Variants in LPP observed in about 807,000 individuals in gnomAD.
LPP encodes lipoma-preferred partner.
A neutral mutation model predicts 60.4 loss-of-function variants in LPP; 38 were observed. The observed-to-expected ratio is 0.63, with a 90% CI of 0.49 to 0.83. The LOEUF (loss-of-function observed/expected upper bound fraction) is 0.83. Ranked by LOEUF, LPP falls within the 40% of genes least tolerant of loss-of-function variation. The pLI is 0.00. For synonymous variants in LPP, 328 were observed against 290.8 expected (o/e 1.13, Z -1.30); for missense variants, 902 against 783.6 (o/e 1.15, Z -1.80).
intron 3 of LPP, among the ~76,000 whole-genome samples, chr3:188,358,987 G>A (rs549453855): frequency 1.3e-5 from 2 of 152,124 alleles, no homozygotes; most frequent in African/African-American, 4.8e-5. Context: ...AGGAAGTCCC[G>A]TGAGACAGCA....
At chr3:188,208,348 A>G (rs1733852042) in intron 1 of LPP, 1 of 152,256 alleles carries the variant, frequency 6.6e-6, no homozygotes, top group South Asian at 2.1e-4. Flanking sequence ...CTGCTGGCTC[A>G]GCCTGCTGCC....
chr3:188,615,927 G>A (rs1415827066), intron 7 of LPP, among the ~76,000 whole-genome samples: 1 of 152,106 alleles, frequency 6.6e-6, no homozygotes, highest in Non-Finnish European at 1.5e-5. Flanking sequence ...ACTTTTTGAT[G>A]AGGTTGTTTG....
chr3:188,292,465 C>G (rs1307910150), intron 2 of LPP, among the ~76,000 whole-genome samples: 1 of 152,166 alleles, frequency 6.6e-6, no homozygotes. Flanking sequence ...GTGCCTTTAT[C>G]TGGAAGACTG....
At chr3:188,206,516 A>G (rs1733268041) in intron 1 of LPP, among the ~76,000 whole-genome samples, 1 of 152,248 alleles carries the variant, frequency 6.6e-6, no homozygotes, top group Non-Finnish European at 1.5e-5. Context: ...CCGGCTCACA[A>G]GAAAGGCAAG....
At chr3:188,254,126 A>G (rs1433645629) in intron 2 of LPP, among the ~76,000 whole-genome samples, 1 of 152,202 alleles carries the variant, frequency 6.6e-6, no homozygotes, top group African/African-American at 2.4e-5. Flanking sequence ...ATGACTACAC[A>G]TTAAACTAAA....
intron 9 of LPP, among the ~76,000 whole-genome samples, chr3:188,794,009 G>A (rs569040253): frequency 1.3e-5 from 2 of 152,102 alleles, no homozygotes; most frequent in South Asian, 2.1e-4. Context: ...AAGAAAGGAC[G>A]CTTTTCTTCA....
intron 1 of LPP, among the ~76,000 whole-genome samples, chr3:188,162,282 C>A (rs529659039): frequency 6.6e-6 from 1 of 152,296 alleles, no homozygotes; most frequent in South Asian, 2.1e-4. Context: ...GTTCAAGGGT[C>A]ATAAAACTTT....
chr3:188,273,730 G>T (rs1006252932), intron 2 of LPP, among the ~76,000 whole-genome samples: 4 of 150,802 alleles, frequency 2.7e-5, no homozygotes, highest in African/African-American at 2.4e-5. Context: ...CTAGTAGCTG[G>T]GGTTACAGGT....
chr3:188,321,610 C>T (rs1756980678), intron 2 of LPP, among the ~76,000 whole-genome samples: 1 of 152,050 alleles, frequency 6.6e-6, no homozygotes, highest in African/African-American at 2.4e-5. Flanking sequence ...GGAGAAAAAT[C>T]TGACATTTGG....
chr3:188,763,033 C>A (rs1732921664), intron 9 of LPP, among the ~76,000 whole-genome samples: 2 of 152,152 alleles, frequency 1.3e-5, no homozygotes, highest in South Asian at 2.1e-4. Flanking sequence ...GGAAATTGGG[C>A]AAATGAAATA....
chr3:188,592,553 T>TTTTTTTTGTTG (rs1553936328), intron 6 of LPP, among the ~76,000 whole-genome samples: 2 of 121,278 alleles, frequency 1.6e-5, no homozygotes, highest in African/African-American at 2.9e-5. Context: ...TTAGTTTTGT[T>TTTTTTTTGTTG]TTTGTTTTTT....
rs74502840 is a variant in LPP at position 188,193,174 on chromosome 3, T to C, written c.-189-32231T>C. Among the ~76,000 whole-genome samples, 1,240 of 152,320 alleles carry C rather than the reference T, an allele frequency of 8.1e-3. 14 individuals carry two copies. Among genetic ancestry groups the C allele is most frequent in the African/African-American group, 0.028 (1,176 of 41,558 alleles). On this transcript the variant is annotated intron_variant, in intron 1 of 11. Coordinates refer to ENST00000617246, the MANE Select transcript of LPP (RefSeq NM_001375462.1). ...GAGAATGTGCTGATTATGCTGAAGA[T>C]AGCGTGTTGGTTTGTGTGTCTTTCA...
At chr3:188,658,950 A>G (rs924145636) in intron 7 of LPP, among the ~76,000 whole-genome samples, 1 of 152,198 alleles carries the variant, frequency 6.6e-6, no homozygotes, top group Non-Finnish European at 1.5e-5. Context: ...GCAAAAATGG[A>G]TTTAATGAAA....
intron 4 of LPP, among the ~76,000 whole-genome samples, chr3:188,430,035 G>A (rs1790501215): frequency 6.6e-6 from 1 of 152,162 alleles, no homozygotes; most frequent in Admixed American, 6.6e-5. Flanking sequence ...ATCTCTGAGA[G>A]TGAGAAGATC....
At chr3:188,719,016 CAT>C (rs1003444701) in intron 8 of LPP, among the ~76,000 whole-genome samples, 7 of 151,956 alleles carry the variant, frequency 4.6e-5, no homozygotes, top group African/African-American at 1.7e-4. Flanking sequence ...CACAGGAAAA[CAT>C]ATAAACTAGA....
chr3:188,402,349 A>T (rs1260784980), intron 3 of LPP, among the ~76,000 whole-genome samples: 1 of 152,206 alleles, frequency 6.6e-6, no homozygotes, highest in Non-Finnish European at 1.5e-5. Context: ...TCAAAACACA[A>T]GTGTAACAAA....
At position 188,890,212 on chromosome 3, in the gene LPP, C is replaced by T. The variant is rs1771100550; in HGVS notation, c.*15733C>T. 4.6e-6 allele frequency: 1 copy of T among 217,482 alleles called. No individual in the cohort carries two copies. The highest frequency in any genetic ancestry group is 6.8e-5 in the East Asian group (1 of 14,742). 13.5% of individuals were successfully genotyped at this position (217,482 alleles called of 1,614,324 possible). ...TAGCTAAGCACAATCATAGCCCCAC[C>T]GTGATGAGCTGCTAGTCTGAATAAC... On this transcript the variant is annotated 3_prime_UTR_variant, in exon 12 of 12. Coordinates refer to ENST00000617246, the MANE Select transcript of LPP (RefSeq NM_001375462.1).
At chr3:188,585,906 G>T (rs1242986466) in intron 6 of LPP, among the ~76,000 whole-genome samples, 1 of 152,162 alleles carries the variant, frequency 6.6e-6, no homozygotes, top group Admixed American at 6.5e-5. Context: ...CTGTTTTACA[G>T]GCTGTGCATC....
intron 8 of LPP, among the ~76,000 whole-genome samples, chr3:188,736,193 CATAA>C (rs1722444046): frequency 6.6e-6 from 1 of 151,828 alleles, no homozygotes; most frequent in East Asian, 1.9e-4. Flanking sequence ...TATAATAAAA[CATAA>C]AGATCAATCA....
Sources: gnomAD v4.1 joint callset for allele counts (sites outside exome capture counted in the v4.1 genomes callset) on GRCh38, gnomAD v4.1.1 for gene constraint, MANE v1.5 for transcripts, NCBI Gene and HGNC (gene_info 2026-07-23, HGNC 2026-07-21) for gene names.